Variants in ZNF136 observed in about 807,000 individuals in gnomAD.
ZNF136 encodes zinc finger protein 136 (clone pHZ-20).
A neutral mutation model predicts 11.4 loss-of-function variants in ZNF136; 8 were observed. The observed-to-expected ratio is 0.70, with a 90% confidence interval of 0.41 to 1.27. The LOEUF is 1.27. ZNF136 is among the 50% of genes most tolerant of loss of function. The pLI is 0.01. For missense variants in ZNF136, 590 were observed against 656.5 expected, an observed-to-expected ratio of 0.90 and a Z score of 1.11; for synonymous variants, 190 against 207.1, an observed-to-expected ratio of 0.92 and a Z score of 0.71.
intron 1 of ZNF136, among the ~76,000 whole-genome samples, chr19:12,175,357 G>C (rs761003251): frequency 1.3e-5 from 2 of 151,974 alleles, no homozygotes; most frequent in African/African-American, 4.8e-5. Context: ...ATCACACCTG[G>C]CTAATTTTTG....
chr19:12,164,781 T>C (rs1457236589), intron 1 of ZNF136: 3 of 152,226 alleles, frequency 2.0e-5, no homozygotes, highest in Admixed American at 2.0e-4. Context: ...TCCTTTTAAA[T>C]GAACGGGCAC....
At chr19:12,177,646 C>T (rs1488564659) in intron 1 of ZNF136, among the ~76,000 whole-genome samples, 1 of 152,210 alleles carries the variant, frequency 6.6e-6, no homozygotes, top group Non-Finnish European at 1.5e-5. Flanking sequence ...CGCACCCAGA[C>T]TTTTGAAAAA....
chr19:12,163,267 C>T (rs1977136275), intron 1 of ZNF136, 61 bp downstream of exon 1: 2 of 1,347,444 alleles, frequency 1.5e-6, no homozygotes, highest in Non-Finnish European at 9.6e-7. Context: ...ACGACCGGAA[C>T]TGGCTGTGGC....
chr19:12,183,256 C>A (rs1208218734), intron 1 of ZNF136, among the ~76,000 whole-genome samples: 2 of 151,914 alleles, frequency 1.3e-5, no homozygotes, highest in African/African-American at 4.8e-5. Flanking sequence ...GCAATCCTCC[C>A]ACCTCAGCCT....
chr19:12,168,233 T>A (rs1183411704), intron 1 of ZNF136, among the ~76,000 whole-genome samples: 5 of 151,366 alleles, frequency 3.3e-5, no homozygotes. Flanking sequence ...CCACCACGCC[T>A]GGCTAATTTT....
rs547999150 is a variant in ZNF136, at chr19:12,186,025, G to C, written c.131-89G>C. 4.7e-4 allele frequency: 751 copies of C among 1,592,950 alleles called. 4 individuals carry two copies. The highest frequency in any genetic ancestry group is 1.8e-3 in the Middle Eastern group (11 of 6,000). On this transcript the variant is annotated intron_variant, in intron 2 of 3. Coordinates refer to ENST00000343979, the MANE Select transcript of ZNF136 (RefSeq NM_003437.5). ...GAGAGTACTTGGGGGGCTAAAACAG[G>C]CATAGTCACAGGGTATCATGAACCT... is the stretch of plus-strand genomic sequence containing the variant.
chr19:12,164,993 CA>C (rs1297671212), intron 1 of ZNF136: 1 of 152,198 alleles, frequency 6.6e-6, no homozygotes, highest in African/African-American at 2.4e-5. Context: ...GAATTCCTGA[CA>C]AACAACTTTG....
intron 1 of ZNF136, among the ~76,000 whole-genome samples, chr19:12,172,218 G>A (rs761889557): frequency 4.6e-5 from 7 of 151,932 alleles, no homozygotes; most frequent in Non-Finnish European, 8.8e-5. Context: ...CAACATGCTG[G>A]GATTACAGAC....
chr19:12,164,586 G>A (rs1190155665), intron 1 of ZNF136: 1 of 152,288 alleles, frequency 6.6e-6, no homozygotes, highest in South Asian at 2.1e-4. Context: ...GGGACTACAG[G>A]CGCATGCCAC....
intron 1 of ZNF136, among the ~76,000 whole-genome samples, chr19:12,178,712 G>A (rs537981383): frequency 2.0e-5 from 3 of 148,016 alleles, no homozygotes; most frequent in South Asian, 2.1e-4. Flanking sequence ...TGAATCAGGC[G>A]GGGAGGGGTG....
At chr19:12,183,599 CTATCTATG>C (rs1915004439) in intron 1 of ZNF136, among the ~76,000 whole-genome samples, 1 of 131,826 alleles carries the variant, frequency 7.6e-6, no homozygotes, top group South Asian at 2.4e-4. Flanking sequence ...ATCTATCTAT[CTATCTATG>C]TTTATCTTGA....
At chr19:12,169,545 G>A (rs1055252600) in intron 1 of ZNF136, among the ~76,000 whole-genome samples, 1 of 151,944 alleles carries the variant, frequency 6.6e-6, no homozygotes, top group Non-Finnish European at 1.5e-5. Context: ...GGGCATTTCT[G>A]GCATGTCTCC....
intron 1 of ZNF136, chr19:12,184,552 C>T (rs1198386738): frequency 2.6e-4 from 37 of 144,300 alleles, no homozygotes; most frequent in East Asian, 2.0e-4. Context: ...AGCCAGACTC[C>T]GTCTAAAAAA....
chr19:12,166,267 A>C (rs905970245), intron 1 of ZNF136, among the ~76,000 whole-genome samples: 3 of 152,070 alleles, frequency 2.0e-5, no homozygotes, highest in African/African-American at 4.8e-5. Flanking sequence ...CTTAACAACA[A>C]ATTCTTATTT....
rs577849041 is a variant in ZNF136, at chr19:12,163,653, G to C, written c.3+447G>C. ...CCCCAGCCTGCTGTTTCCAGGGCTT[G>C]CAGTAAATCCCCAAATTTCCTGTTC... On this transcript the variant is annotated intron_variant, in intron 1 of 3. Transcript: ENST00000343979. 3 of 174,332 alleles carry C rather than the reference G, an allele frequency of 1.7e-5. No homozygotes were observed. The East Asian group carries it at 4.4e-4, about 26-fold the overall frequency. The allele number at this position is 174,332 out of a possible 1,614,324, so 10.8% of individuals were successfully genotyped here.
At chr19:12,169,465 C>G (rs1332001993) in intron 1 of ZNF136, 1 of 152,218 alleles carries the variant, frequency 6.6e-6, no homozygotes, top group East Asian at 1.9e-4. Flanking sequence ...AGAAGCCACT[C>G]TGAGCTACAT....
intron 1 of ZNF136, among the ~76,000 whole-genome samples, chr19:12,176,869 ATC>A (rs1914808192): frequency 1.3e-5 from 2 of 152,092 alleles, no homozygotes; most frequent in African/African-American, 2.4e-5. Flanking sequence ...CTGAGGTGTT[ATC>A]TCTGAGGGTT....
intron 1 of ZNF136, chr19:12,185,293 G>T (rs1464497940): frequency 6.6e-6 from 1 of 152,362 alleles, no homozygotes; most frequent in East Asian, 1.9e-4. Flanking sequence ...GTCGTCTGCT[G>T]GTTTTGGCCC....
Position 12,187,217 on chromosome 19 carries a change from TTAAATG to T in ZNF136, c.843_848del (p.Cys282_Lys283del). On this transcript the variant is annotated inframe_deletion, in exon 4 of 4. Coordinates refer to ENST00000343979, the MANE Select transcript of ZNF136 (RefSeq NM_003437.5). ...AGAATTCACACTGGAGAAAAACCCT[TTAAATG>T]TAAGCAATGTGGTAAAGCCTTCAGT... The T allele has an allele frequency of 1.2e-6, 2 of 1,612,686 alleles. No individual in the cohort carries two copies. Among genetic ancestry groups the T allele is most frequent in the East Asian group, 2.2e-5 (1 of 44,746 alleles).
Sources: allele counts gnomAD v4.1 joint callset (sites outside exome capture counted in the v4.1 genomes callset), GRCh38; gene constraint gnomAD v4.1.1; transcripts MANE v1.5; gene names NCBI Gene and HGNC (gene_info 2026-07-23, HGNC 2026-07-21).